The following STX1A variants were observed in gnomAD, a reference collection of about 807,000 sequenced individuals.
STX1A encodes syntaxin-1A.
In STX1A, 4 loss-of-function variants were observed where a neutral mutation model predicts 37.8. That is an observed-to-expected ratio of 0.11 (90% CI 0.05 to 0.24). The LOEUF (loss-of-function observed/expected upper bound fraction) is 0.24, where lower values mean the gene tolerates loss of function less well. Ranked by LOEUF, STX1A falls within the 10% of genes least tolerant of loss-of-function variation. The probability of loss-of-function intolerance (pLI) is 1.00; values close to 1 mark genes in which losing one functional copy is unlikely to be tolerated. For missense variants in STX1A, 251 were observed against 399.9 expected (o/e 0.63, Z 3.18); for synonymous variants, 135 against 147.4 (o/e 0.92, Z 0.61).
chr7:73,704,887 T>A, intron 4 of STX1A: 1 of 572,246 alleles, frequency 1.7e-6, no homozygotes. Context: ...CAACCCTCTT[T>A]AGCAGAGGTG....
At chr7:73,701,762 TC>T (rs1798666314) in intron 8 of STX1A, among the ~76,000 whole-genome samples, 1 of 152,124 alleles carries the variant, frequency 6.6e-6, no homozygotes, top group Non-Finnish European at 1.5e-5. Context: ...CCTCCGTACT[TC>T]CTAACCAAGG....
rs1224425688 is a variant in STX1A at position 73,702,448 on chromosome 7, G to A, written c.678+397C>T. 8.0e-6 allele frequency: 3 copies of A among 374,368 alleles called. No individual in the cohort carries two copies. The highest frequency in any genetic ancestry group is 4.3e-5 in the Admixed American group (1 of 23,062). The allele number at this position is 374,368 out of a possible 1,614,324, so 23.2% of individuals were successfully genotyped here. ...GTTTGAGCCCCACTGGAGAACCTTCGATTTGTTCTTAGGCAACTCTTTTGC... is the reference window on the plus strand; with the variant it reads ...GTTTGAGCCCCACTGGAGAACCTTCAATTTGTTCTTAGGCAACTCTTTTGC... On this transcript the variant is annotated intron_variant, in intron 8 of 9. Coordinates refer to ENST00000222812, the MANE Select transcript of STX1A (RefSeq NM_004603.4). The surrounding 1 kb of genome is among the most constrained non-coding windows in gnomAD (Gnocchi z 4.7).
At position 73,705,203 on chromosome 7, in the gene STX1A, T is replaced by C; in HGVS notation, c.230A>G (p.Glu77Gly). The C allele has an allele frequency of 6.2e-7, 1 of 1,614,120 alleles. No individual in the cohort carries two copies. Among genetic ancestry groups the C allele is most frequent in the Non-Finnish European group, 8.5e-7 (1 of 1,179,988 alleles). Reference sequence around the variant, plus strand: ...TGTCTTCTTTATGTCGGACATGAGTTCTTCCAGCTCCTCCTTCGTCTCTGG... The same window carrying C: ...TGTCTTCTTTATGTCGGACATGAGTCCTTCCAGCTCCTCCTTCGTCTCTGG... ...PDEKTKEELE[E>G]LMSDIKKTAN... Residue 77 changes from glutamate to glycine, a missense_variant, in exon 4 of 10, where the codon GAA becomes GGA. Transcript: ENST00000222812. This position sits in a 1 kb window ranked among gnomAD's most constrained non-coding sequence, Gnocchi z 5.2.
chr7:73,706,260 G>T lies in STX1A; in HGVS notation c.209-1036C>A, dbSNP rs1189829840. ...GAATGCAGTGAGGTGGAGCGGGGAA[G>T]GGGGGGTTCCGAGGCGCGGAGGAGG... On this transcript the variant is annotated intron_variant, in intron 3 of 9. Coordinates refer to ENST00000222812, the MANE Select transcript of STX1A (RefSeq NM_004603.4). The surrounding 1 kb of genome is among the most constrained non-coding windows in gnomAD (Gnocchi z 4.6). Among the ~76,000 whole-genome samples the T allele has an allele frequency of 1.3e-5, 2 of 152,082 alleles. No individual in the cohort carries two copies. Among genetic ancestry groups the T allele is most frequent in the African/African-American group, 4.8e-5 (2 of 41,382 alleles).
Position 73,700,937 on chromosome 7 carries a change from G to A in STX1A, c.679-97C>T, listed in dbSNP as rs1554615800. 1 of 1,565,130 alleles carries A rather than the reference G, an allele frequency of 6.4e-7. No homozygotes were observed. Among genetic ancestry groups the A allele is most frequent in the Non-Finnish European group, 8.6e-7 (1 of 1,160,830 alleles). On this transcript the variant is annotated intron_variant, in intron 8 of 9. Transcript: ENST00000222812. This position sits in a 1 kb window ranked among gnomAD's most constrained non-coding sequence, Gnocchi z 4.4. ...TTCAGGAAAGCACCCTGAGGCTAGA[G>A]ACAAAAAGGGGGCGTGAGGAGGTTA...
rs1554616499 is a variant in STX1A at position 73,704,434 on chromosome 7, A to G, written c.284-11T>C. ...TGGACTGCTCGATGCCTGGGGGCAC[A>G]GGTGGCTGCTAAGTCATAACCAGGC... On this transcript the variant is annotated splice_polypyrimidine_tract_variant and intron_variant, in intron 4 of 9. Transcript: ENST00000222812. The G allele has an allele frequency of 9.3e-6, 15 of 1,614,072 alleles. No homozygotes were observed. Among genetic ancestry groups the G allele is most frequent in the Non-Finnish European group, 1.3e-5 (15 of 1,179,998 alleles).
chr7:73,717,824 G>A lies in STX1A; in HGVS notation c.30+1778C>T, dbSNP rs1262597578. ...TGGGTTCAAACGCTTCACAACCCCA[G>A]CTCCACTGGCTGTCCCCCAGTGTCA... On this transcript the variant is annotated intron_variant, in intron 1 of 9. Transcript: ENST00000222812. The surrounding 1 kb of genome is among the most constrained non-coding windows in gnomAD (Gnocchi z 4.1). 2.0e-5 allele frequency among the ~76,000 whole-genome samples: 3 copies of A among 152,136 alleles called. No individual in the cohort carries two copies. The East Asian group carries it at 5.8e-4, about 29-fold the overall frequency.
rs782310751 is a variant in STX1A, at chr7:73,709,446, C to T, written c.31-324G>A. 1.1e-4 allele frequency among the ~76,000 whole-genome samples: 17 copies of T among 152,112 alleles called. No homozygotes were observed. Among genetic ancestry groups the T allele is most frequent in the Non-Finnish European group, 2.2e-4 (15 of 68,002 alleles). On this transcript the variant is annotated intron_variant, in intron 1 of 9. Coordinates refer to ENST00000222812, the MANE Select transcript of STX1A (RefSeq NM_004603.4). This position sits in a 1 kb window ranked among gnomAD's most constrained non-coding sequence, Gnocchi z 4.2. ...GGAGGCAAGCGAGCCTGGGGCCGGC[C>T]GCTCTGTCTGGGCCCTCTGGGTCCC...
intron 3 of STX1A, among the ~76,000 whole-genome samples, chr7:73,708,262 C>CAA (rs1157786155): frequency 6.8e-4 from 34 of 49,654 alleles, no homozygotes; most frequent in Non-Finnish European, 9.6e-4. Context: ...GACTCCATCT[C>CAA]AAAAAAAAAA....
chr7:73,707,935 GAAAA>G (rs67491539), intron 3 of STX1A, among the ~76,000 whole-genome samples: 5 of 119,124 alleles, frequency 4.2e-5, no homozygotes, highest in Non-Finnish European at 8.6e-5. Flanking sequence ...ACTCCGTCTT[GAAAA>G]AAAAAAAAAG....
rs1314337612 is a variant in STX1A at position 73,702,181 on chromosome 7, TC to T, written c.678+663del. Among the ~76,000 whole-genome samples, 1 of 152,004 alleles carries T rather than the reference TC, an allele frequency of 6.6e-6. No homozygotes were observed. Among genetic ancestry groups the T allele is most frequent in the Admixed American group, 6.5e-5 (1 of 15,268 alleles). ...CGAAGTCTTCACAGCTGGCTCCTTT[TC>T]CCCCTTTTTTGGCATCAGCTCAAAT... is the stretch of plus-strand genomic sequence containing the variant. On this transcript the variant is annotated intron_variant, in intron 8 of 9. Transcript: ENST00000222812. The surrounding 1 kb of genome is among the most constrained non-coding windows in gnomAD (Gnocchi z 4.7).
chr7:73,718,965 C>A (rs537034776), intron 1 of STX1A, among the ~76,000 whole-genome samples: 2 of 151,886 alleles, frequency 1.3e-5, no homozygotes, highest in African/African-American at 2.4e-5. Flanking sequence ...TGTGACGCCC[C>A]CCCCCCCATA....
At chr7:73,715,437 A>C (rs573252225) in intron 1 of STX1A, among the ~76,000 whole-genome samples, 5 of 151,994 alleles carry the variant, frequency 3.3e-5, no homozygotes, top group Middle Eastern at 3.4e-3. Context: ...CAAAAAAAAA[A>C]CCAACAAAAA....
Position 73,706,087 on chromosome 7 carries a change from C to T in STX1A, c.209-863G>A, listed in dbSNP as rs143930049. On this transcript the variant is annotated intron_variant, in intron 3 of 9. Coordinates refer to ENST00000222812, the MANE Select transcript of STX1A (RefSeq NM_004603.4). This position sits in a 1 kb window ranked among gnomAD's most constrained non-coding sequence, Gnocchi z 4.6. ...TCAGGACACCCCCAGGACTCTGCCC[C>T]GAGAGAAGCCGGGACTGAGCTCTGG... is the stretch of plus-strand genomic sequence containing the variant. Among the ~76,000 whole-genome samples the T allele has an allele frequency of 0.012, 1,816 of 152,210 alleles. 42 individuals are homozygous for T. Among genetic ancestry groups the T allele is most frequent in the African/African-American group, 0.041 (1,701 of 41,508 alleles).
At position 73,704,196 on chromosome 7, in the gene STX1A, C is replaced by G. The variant is rs782129449; in HGVS notation, c.418G>C (p.Asp140His). The G allele has an allele frequency of 3.1e-6, 5 of 1,612,006 alleles. No individual in the cohort carries two copies. The Admixed American group carries it at 6.7e-5, about 22-fold the overall frequency. ...CGGCCTTTGCAGCGCTCGCGGTAGT[C>G]GGACTGCGTGGCGTTGTACTCCGAC... ...VMSEYNATQS[D>H]YRERCKGRIQ... Residue 140 changes from aspartate to histidine, a missense_variant, in exon 6 of 10, where the codon GAC becomes CAC. Coordinates refer to ENST00000222812, the MANE Select transcript of STX1A (RefSeq NM_004603.4).
In STX1A at chr7:73,705,181, C is replaced by A; in HGVS notation, c.252G>T (p.Lys84Asn). ...ACTTGGAACGAACTTTGTTTGCTGT[C>A]TTCTTTATGTCGGACATGAGTTCTT... ...ELEELMSDIK[K>N]TANKVRSKLK... The change falls in exon 4 of 10, where the codon AAG becomes AAT. Residue 84 changes from lysine to asparagine, a missense_variant. Coordinates refer to ENST00000222812, the MANE Select transcript of STX1A (RefSeq NM_004603.4). The surrounding 1 kb of genome is among the most constrained non-coding windows in gnomAD (Gnocchi z 5.2). The A allele has an allele frequency of 6.2e-7, 1 of 1,611,832 alleles. No homozygotes were observed. Among genetic ancestry groups the A allele is most frequent in the Admixed American group, 1.7e-5 (1 of 59,960 alleles).
chr7:73,706,888 C>T lies in STX1A; in HGVS notation c.209-1664G>A. Among the ~76,000 whole-genome samples, 1 of 152,212 alleles carries T rather than the reference C, an allele frequency of 6.6e-6. No individual in the cohort carries two copies. The highest frequency in any genetic ancestry group is 2.1e-4 in the South Asian group (1 of 4,832). On this transcript the variant is annotated intron_variant, in intron 3 of 9. Coordinates refer to ENST00000222812, the MANE Select transcript of STX1A (RefSeq NM_004603.4). This position sits in a 1 kb window ranked among gnomAD's most constrained non-coding sequence, Gnocchi z 4.6. ...TCAGCGTGGTGAGCCCTGGGCGTCC[C>T]TCTCTCCCTCCTGCCCTTCCTGAGG...
At position 73,706,621 on chromosome 7, in the gene STX1A, G is replaced by A. The variant is rs371622020; in HGVS notation, c.209-1397C>T. Among the ~76,000 whole-genome samples, 2 of 152,126 alleles carry A rather than the reference G, an allele frequency of 1.3e-5. No individual in the cohort carries two copies. Among genetic ancestry groups the A allele is most frequent in the Non-Finnish European group, 2.9e-5 (2 of 68,012 alleles). ...ACCGCAGCAGGAGACGGTGCAGGAG[G>A]TGGCCTGCAGGAGCCCAAGGTGTGG... is the stretch of plus-strand genomic sequence containing the variant. On this transcript the variant is annotated intron_variant, in intron 3 of 9. Coordinates refer to ENST00000222812, the MANE Select transcript of STX1A (RefSeq NM_004603.4). The surrounding 1 kb of genome is among the most constrained non-coding windows in gnomAD (Gnocchi z 4.6).
At chr7:73,714,211 C>A (rs1799203294) in intron 1 of STX1A, among the ~76,000 whole-genome samples, 2 of 151,950 alleles carry the variant, frequency 1.3e-5, no homozygotes, top group African/African-American at 4.8e-5. Flanking sequence ...CAGGTTCAAG[C>A]GATTCTCCTG....
Sources: gnomAD v4.1 joint callset for allele counts (sites outside exome capture counted in the v4.1 genomes callset) on GRCh38, gnomAD v4.1.1 for gene constraint, Gnocchi (gnomAD v3.1) non-coding constraint, MANE v1.5 for transcripts, NCBI Gene and HGNC (gene_info 2026-07-23, HGNC 2026-07-21) for gene names.